Variants in RANBP2 observed in about 807,000 individuals in gnomAD.
The protein encoded by RANBP2 is E3 SUMO-protein ligase RanBP2.
Under a neutral mutation model 303.6 loss-of-function variants are expected in RANBP2, and 57 were observed. The ratio of observed to expected loss-of-function variants is 0.19; its 90% CI spans 0.15 to 0.23. The LOEUF (loss-of-function observed/expected upper bound fraction) is 0.23, where lower values mean the gene tolerates loss of function less well. Ranked by LOEUF, RANBP2 falls within the 10% of genes least tolerant of loss-of-function variation. The pLI, the probability that RANBP2 is intolerant of heterozygous loss-of-function variation, is 1.00. For missense variants in RANBP2, 3,138 were observed against 3,780.8 expected (o/e 0.83, Z 4.46); for synonymous variants, 1,167 against 1,301.5 (o/e 0.90, Z 2.23).
At chr2:109,613,829 G>A in the RANBP2 span, 2 of 1,237,650 alleles carry the variant, frequency 1.6e-6, no homozygotes, top group Non-Finnish European at 1.0e-6. Flanking sequence ...GGAGGCCATG[G>A]TCGCGGGCAG....
chr2:108,799,363 G>T, the RANBP2 span, among the ~76,000 whole-genome samples: 1 of 151,988 alleles, frequency 6.6e-6, no homozygotes, highest in African/African-American at 2.4e-5. Flanking sequence ...TATGAGTTTT[G>T]AAAAATGCAT....
the RANBP2 span, among the ~76,000 whole-genome samples, chr2:109,484,400 C>T: frequency 1.3e-5 from 2 of 152,122 alleles, no homozygotes; most frequent in African/African-American, 4.8e-5. Context: ...CCAGGCACCT[C>T]GACCCTTGGC....
chr2:109,577,039 C>A, the RANBP2 span, among the ~76,000 whole-genome samples: 1 of 151,528 alleles, frequency 6.6e-6, no homozygotes, highest in African/African-American at 2.4e-5. Flanking sequence ...TACAGCATAG[C>A]AAAACTGGAT....
the RANBP2 span, among the ~76,000 whole-genome samples, chr2:109,609,697 T>C: frequency 1.4e-4 from 21 of 151,674 alleles, no homozygotes; most frequent in Non-Finnish European, 2.6e-4. Context: ...AGAAGCCTCT[T>C]AGATACGAAA....
chr2:109,498,468 C>G, the RANBP2 span, among the ~76,000 whole-genome samples: 4 of 152,200 alleles, frequency 2.6e-5, no homozygotes, highest in Admixed American at 2.6e-4. Flanking sequence ...TTTCCTGAGC[C>G]TGGCACCAAG....
chr2:109,324,742 G>A, the RANBP2 span, among the ~76,000 whole-genome samples: 4 of 152,282 alleles, frequency 2.6e-5, no homozygotes, highest in East Asian at 3.9e-4. Context: ...CTGCATAAGC[G>A]CCAAATGACT....
the RANBP2 span, among the ~76,000 whole-genome samples, chr2:109,151,900 G>GA: frequency 6.6e-6 from 1 of 152,224 alleles, no homozygotes; most frequent in Non-Finnish European, 1.5e-5. Flanking sequence ...AGGACTGCAG[G>GA]AATTTTTGGT....
the RANBP2 span, among the ~76,000 whole-genome samples, chr2:109,775,028 G>T: frequency 1.6e-5 from 1 of 62,750 alleles, no homozygotes; most frequent in African/African-American, 8.0e-5. Context: ...TCATTTTGCT[G>T]TTTCTTCTTA....
chr2:109,574,509 T>A, the RANBP2 span: 2 of 817,690 alleles, frequency 2.4e-6, no homozygotes, highest in Non-Finnish European at 3.4e-6. Flanking sequence ...TATATATCCA[T>A]ATTGTAAAAA....
chr2:109,063,336 CT>C, the RANBP2 span, among the ~76,000 whole-genome samples: 1 of 152,168 alleles, frequency 6.6e-6, no homozygotes, highest in Admixed American at 6.5e-5. Flanking sequence ...ACAAAATGCC[CT>C]GTGCCTGGGT....
At chr2:108,830,831 C>A in the RANBP2 span, among the ~76,000 whole-genome samples, 67 of 150,654 alleles carry the variant, frequency 4.4e-4, no homozygotes, top group South Asian at 7.0e-3. Flanking sequence ...AAAAAAAAAA[C>A]CAAAGCTTGG....
the RANBP2 span, among the ~76,000 whole-genome samples, chr2:109,216,034 G>A: frequency 6.6e-6 from 1 of 152,152 alleles, no homozygotes; most frequent in South Asian, 2.1e-4. Flanking sequence ...TCATGGGGGA[G>A]CTGGGGCAGG....
At chr2:108,909,084 A>G in the RANBP2 span, among the ~76,000 whole-genome samples, 2 of 152,208 alleles carry the variant, frequency 1.3e-5, no homozygotes, top group Admixed American at 1.3e-4. Context: ...CTTTTAACGT[A>G]CAAGTGTCAG....
At chr2:109,247,271 C>T in the RANBP2 span, among the ~76,000 whole-genome samples, 6 of 152,184 alleles carry the variant, frequency 3.9e-5, no homozygotes, top group African/African-American at 1.2e-4. Context: ...GTCCTGGAAT[C>T]GGTGACACAC....
the RANBP2 span, among the ~76,000 whole-genome samples, chr2:109,017,326 C>T: frequency 1.3e-5 from 2 of 152,372 alleles, no homozygotes; most frequent in South Asian, 2.1e-4. Flanking sequence ...CTCTTTGATA[C>T]GATCCTGAGG....
the RANBP2 span, among the ~76,000 whole-genome samples, chr2:109,706,459 G>A: frequency 1.3e-5 from 2 of 152,148 alleles, no homozygotes; most frequent in South Asian, 2.1e-4. Context: ...ATGTGGCTAC[G>A]TCCTTACCTC....
chr2:109,399,068 G>A, the RANBP2 span: 4 of 1,149,674 alleles, frequency 3.5e-6, no homozygotes, highest in Admixed American at 7.2e-5. Context: ...TTTTGGGGTT[G>A]AGTGGGGTTT....
chr2:109,519,972 G>C, the RANBP2 span, among the ~76,000 whole-genome samples: 63 of 152,112 alleles, frequency 4.1e-4, no homozygotes, highest in African/African-American at 1.4e-3. Context: ...CCTGACTGAG[G>C]AGGTGGTTGC....
At chr2:109,595,975 C>T in the RANBP2 span, among the ~76,000 whole-genome samples, 2 of 152,200 alleles carry the variant, frequency 1.3e-5, no homozygotes, top group Non-Finnish European at 2.9e-5. Flanking sequence ...ATGCACAACA[C>T]ATATAATTCA....
Sources: allele counts gnomAD v4.1 joint callset (sites outside exome capture counted in the v4.1 genomes callset), GRCh38; gene constraint gnomAD v4.1.1; transcripts MANE v1.5; gene names NCBI Gene and HGNC (gene_info 2026-07-23, HGNC 2026-07-21).